CPT1A: variants seen among roughly 807,000 people sequenced by gnomAD.
The protein encoded by CPT1A is carnitine O-palmitoyltransferase 1, liver isoform.
Under a neutral mutation model 100.8 loss-of-function variants are expected in CPT1A, and 64 were observed. The ratio of observed to expected loss-of-function variants is 0.63; its 90% CI spans 0.52 to 0.78. The LOEUF (loss-of-function observed/expected upper bound fraction) is 0.78, where lower values mean the gene tolerates loss of function less well. Among genes scored for constraint, CPT1A ranks in the 30% least tolerant of loss-of-function variants. The pLI is 0.00. For missense variants in CPT1A, 802 were observed against 1,034.1 expected, an observed-to-expected ratio of 0.78 and a Z score of 3.08; for synonymous variants, 363 against 396.0, an observed-to-expected ratio of 0.92 and a Z score of 0.99.
intron 2 of CPT1A, among the ~76,000 whole-genome samples, chr11:68,814,762 C>A (rs1412724022): frequency 6.6e-6 from 1 of 152,182 alleles, no homozygotes; most frequent in Non-Finnish European, 1.5e-5. Context: ...TCATGGCTCA[C>A]TGCAGTCTCT....
chr11:68,816,782 T>C (rs972249203), intron 1 of CPT1A, among the ~76,000 whole-genome samples: 10 of 127,652 alleles, frequency 7.8e-5, no homozygotes, highest in Admixed American at 2.3e-4. Flanking sequence ...GTGTGTGTGG[T>C]GTGTGTGTGT....
At chr11:68,814,562 C>A (rs1056395891) in intron 2 of CPT1A, among the ~76,000 whole-genome samples, 7 of 152,194 alleles carry the variant, frequency 4.6e-5, no homozygotes, top group Non-Finnish European at 8.8e-5. Context: ...CCCGCCTCGG[C>A]CTCCCAAAGT....
At chr11:68,774,859 A>T (rs1855102543) in intron 13 of CPT1A, among the ~76,000 whole-genome samples, 1 of 151,276 alleles carries the variant, frequency 6.6e-6, no homozygotes, top group Non-Finnish European at 1.5e-5. Context: ...GTGAACTAGG[A>T]TTTGGTATTT....
intron 1 of CPT1A, among the ~76,000 whole-genome samples, chr11:68,825,648 C>T (rs1270556743): frequency 6.6e-6 from 1 of 152,112 alleles, no homozygotes; most frequent in Non-Finnish European, 1.5e-5. Flanking sequence ...CAGGGCCTCC[C>T]CCCAGTGCCC....
intron 9 of CPT1A, among the ~76,000 whole-genome samples, chr11:68,786,508 C>T (rs1855466203): frequency 6.6e-6 from 1 of 152,214 alleles, no homozygotes; most frequent in African/African-American, 2.4e-5. Flanking sequence ...AGATGAAGAA[C>T]AGAATTAATC....
Position 68,831,613 on chromosome 11 carries a change from T to C in CPT1A, c.-14+10162A>G, listed in dbSNP as rs564308396. Reference sequence around the variant, plus strand: ...ACATAAAGATTCCTTTTTGTGCTTTTAATAATGAAGTTACAGCACATTCCT... The same window carrying C: ...ACATAAAGATTCCTTTTTGTGCTTTCAATAATGAAGTTACAGCACATTCCT... On this transcript the variant is annotated intron_variant, in intron 1 of 18. Transcript: ENST00000265641. 3.3e-5 allele frequency among the ~76,000 whole-genome samples: 5 copies of C among 151,172 alleles called. No individual in the cohort carries two copies. The South Asian group carries it at 1.0e-3, about 32-fold the overall frequency.
chr11:68,764,225 C>T (rs1458500365), intron 14 of CPT1A, among the ~76,000 whole-genome samples: 1 of 152,158 alleles, frequency 6.6e-6, no homozygotes, highest in East Asian at 1.9e-4. Context: ...GGCCCGGGGC[C>T]ACCAGGCCAG....
intron 14 of CPT1A, among the ~76,000 whole-genome samples, chr11:68,772,512 T>G (rs4619153): frequency 9.2e-5 from 14 of 151,440 alleles, no homozygotes; most frequent in Non-Finnish European, 1.5e-5. Flanking sequence ...CAACAGGGGT[T>G]GCCAGGTGCA....
intron 4 of CPT1A, among the ~76,000 whole-genome samples, chr11:68,806,372 C>A (rs1856046574): frequency 6.6e-6 from 1 of 152,074 alleles, no homozygotes; most frequent in Non-Finnish European, 1.5e-5. Flanking sequence ...ATGGCTCATG[C>A]CTGTAATCCC....
At chr11:68,810,404 G>A (rs1286975428) in intron 3 of CPT1A, among the ~76,000 whole-genome samples, 6 of 152,252 alleles carry the variant, frequency 3.9e-5, no homozygotes, top group East Asian at 1.9e-4. Context: ...CCTGGCAGGC[G>A]TCCCAGCCAG....
chr11:68,802,254 G>T (rs1855921078), intron 5 of CPT1A, among the ~76,000 whole-genome samples: 1 of 149,962 alleles, frequency 6.7e-6, no homozygotes, highest in Admixed American at 6.6e-5. Context: ...CTTGAAAATG[G>T]TTAACAGTAC....
At chr11:68,811,232 C>T (rs557734893) in intron 3 of CPT1A, among the ~76,000 whole-genome samples, 30 of 152,204 alleles carry the variant, frequency 2.0e-4, no homozygotes, top group Admixed American at 3.3e-4. Context: ...CTATTATTGA[C>T]CTCAGGTGAT....
Position 68,757,017 on chromosome 11 carries a change from C to T in CPT1A, c.*627G>A, listed in dbSNP as rs1946705916. On this transcript the variant is annotated 3_prime_UTR_variant, in exon 19 of 19. Coordinates refer to ENST00000265641, the MANE Select transcript of CPT1A (RefSeq NM_001876.4). ...TTTTTAAGGCACTGGGTTGTGAAGA[C>T]TTGAAGACATACAAGGTCAGTAAAA... The T allele has an allele frequency of 6.4e-6, 1 of 156,560 alleles. No individual in the cohort carries two copies. The highest frequency in any genetic ancestry group is 2.4e-5 in the African/African-American group (1 of 41,462). 9.7% of individuals were successfully genotyped at this position (156,560 alleles called of 1,614,324 possible).
chr11:68,758,415 G>A (rs117081870), intron 18 of CPT1A, among the ~76,000 whole-genome samples: 7 of 152,272 alleles, frequency 4.6e-5, no homozygotes, highest in Non-Finnish European at 8.8e-5. Flanking sequence ...GCCATGCTAG[G>A]GAGGAGGTCC....
In CPT1A at chr11:68,838,582, A is replaced by AAAAAAAAAAAAAAAAAC. The variant is rs1555235335; in HGVS notation, c.-14+3192_-14+3193insGTTTTTTTTTTTTTTTT. Among the ~76,000 whole-genome samples, 27 of 145,380 alleles carry AAAAAAAAAAAAAAAAAC rather than the reference A, an allele frequency of 1.9e-4. 4 individuals carry two copies. The highest frequency in any genetic ancestry group is 6.7e-4 in the African/African-American group (26 of 39,010). On this transcript the variant is annotated intron_variant, in intron 1 of 18. Coordinates refer to ENST00000265641, the MANE Select transcript of CPT1A (RefSeq NM_001876.4). ...GTATCTGCACCTTTTTAAAAAAAAAAAAAAAAAAACAGAGACAGGGTCTGG... is the reference window on the plus strand; with the variant it reads ...GTATCTGCACCTTTTTAAAAAAAAAAAAAAAAAAAAAAAAAACAAAAAAAAACAGAGACAGGGTCTGG...
chr11:68,806,765 A>T (rs1167583517), intron 4 of CPT1A, among the ~76,000 whole-genome samples: 1 of 152,024 alleles, frequency 6.6e-6, no homozygotes, highest in East Asian at 1.9e-4. Flanking sequence ...CCCCGTCTCT[A>T]CTAAAAATAC....
At chr11:68,811,134 G>A (rs962203509) in intron 3 of CPT1A, among the ~76,000 whole-genome samples, 1 of 152,168 alleles carries the variant, frequency 6.6e-6, no homozygotes, top group African/African-American at 2.4e-5. Context: ...CCAGAGCTTC[G>A]TTTTTTAGCT....
chr11:68,799,049 AAC>A (rs375219755), intron 6 of CPT1A, among the ~76,000 whole-genome samples, 167 bp downstream of exon 6: 1 of 152,068 alleles, frequency 6.6e-6, no homozygotes, highest in African/African-American at 2.4e-5. Context: ...CGTCAGTCCT[AAC>A]ACACACACAC....
At chr11:68,804,132 C>T in intron 4 of CPT1A, 31 bp from the exon 5 acceptor site, 2 of 1,535,278 alleles carry the variant, frequency 1.3e-6, no homozygotes, top group Non-Finnish European at 1.8e-6. Context: ...TTTCAGACTA[C>T]TGCCATACTA....
Sources: gnomAD v4.1 joint callset for allele counts (sites outside exome capture counted in the v4.1 genomes callset) on GRCh38, gnomAD v4.1.1 for gene constraint, MANE v1.5 for transcripts, NCBI Gene and HGNC (gene_info 2026-07-23, HGNC 2026-07-21) for gene names.